Variants in KHSRP observed in about 807,000 individuals in gnomAD.
The protein encoded by KHSRP is KH-type splicing regulatory protein, also known as far upstream element-binding protein 2.
Under a neutral mutation model 94.9 loss-of-function variants are expected in KHSRP, and 13 were observed. The observed-to-expected ratio is 0.14, with a 90% confidence interval of 0.09 to 0.22. KHSRP has a LOEUF of 0.22. Ranked by LOEUF, KHSRP falls within the 10% of genes least tolerant of loss-of-function variation. The pLI is 1.00. For missense variants in KHSRP, 710 were observed against 1,010.0 expected (o/e 0.70, Z 4.03); for synonymous variants, 495 against 401.4 (o/e 1.23, Z -2.79).
chr19:6,424,393 G>GC (rs1375288607), intron 1 of KHSRP, 60 bp downstream of exon 1: 2 of 671,240 alleles, frequency 3.0e-6, no homozygotes, highest in South Asian at 1.3e-4. Flanking sequence ...CGTGACCCCC[G>GC]CCCCCTCCCC....
chr19:6,413,859 G>A lies in KHSRP; in HGVS notation c.*1165C>T, dbSNP rs1462576511. 1.4e-5 allele frequency: 4 copies of A among 291,568 alleles called. No homozygotes were observed. Among genetic ancestry groups the A allele is most frequent in the Non-Finnish European group, 2.4e-5 (4 of 163,890 alleles). 18.1% of individuals were successfully genotyped at this position (291,568 alleles called of 1,614,324 possible). Reference sequence around the variant, plus strand: ...TTTTTTTGGCAGAGATTTAGATCTCGCTATCTTCTCTGGCTGGCTCAACAT... The same window carrying A: ...TTTTTTTGGCAGAGATTTAGATCTCACTATCTTCTCTGGCTGGCTCAACAT... On this transcript the variant is annotated 3_prime_UTR_variant, in exon 19 of 19. Transcript: ENST00000600480.
chr19:6,419,015 G>A (rs2092176734), intron 7 of KHSRP, 139 bp from the exon 8 acceptor site: 2 of 1,142,574 alleles, frequency 1.8e-6, no homozygotes, highest in South Asian at 1.6e-5. Context: ...CACAGGGGCT[G>A]TTCAGGCTCC....
chr19:6,416,060 G>A (rs541074619), intron 15 of KHSRP, among the ~76,000 whole-genome samples, 164 bp from the exon 16 acceptor site: 37 of 152,240 alleles, frequency 2.4e-4, no homozygotes, highest in Non-Finnish European at 4.7e-4. Context: ...CTCGAAGGAC[G>A]CGCAGCGTCA....
intron 3 of KHSRP, 117 bp from the exon 4 acceptor site, chr19:6,421,434 T>C: frequency 8.9e-7 from 1 of 1,121,748 alleles, no homozygotes; most frequent in Non-Finnish European, 1.3e-6. Flanking sequence ...CCTGCTCCAG[T>C]GCCTCATGGA....
intron 1 of KHSRP, 150 bp downstream of exon 1, chr19:6,424,303 A>AG (rs981564534): frequency 5.3e-6 from 1 of 189,898 alleles, no homozygotes; most frequent in African/African-American, 2.4e-5. Flanking sequence ...GCGCAGCGGG[A>AG]GGGCCAGGCC....
chr19:6,421,843 G>A (rs896739117), intron 2 of KHSRP, 155 bp from the exon 3 acceptor site: 7 of 829,924 alleles, frequency 8.4e-6, no homozygotes, highest in African/African-American at 1.7e-5. Context: ...GGCCCCTGAG[G>A]GAGGCCAGAC....
Position 6,418,964 on chromosome 19 carries a change from G to A in KHSRP, c.606-88C>T, listed in dbSNP as rs914420800. On this transcript the variant is annotated intron_variant, in intron 7 of 18. Transcript: ENST00000600480. This position sits in a 1 kb window ranked among gnomAD's most constrained non-coding sequence, Gnocchi z 4.3. Reference sequence around the variant, plus strand: ...GGCCCACCCAGCTCAAAGGGAAGGCGACCCCAGAGTGTGCAAGGATGACAG... The same window carrying A: ...GGCCCACCCAGCTCAAAGGGAAGGCAACCCCAGAGTGTGCAAGGATGACAG... 47 of 1,351,056 alleles carry A rather than the reference G, an allele frequency of 3.5e-5. No individual in the cohort carries two copies. In the East Asian group the frequency reaches 7.2e-4, roughly 21 times the overall value. 83.7% of individuals were successfully genotyped at this position (1,351,056 alleles called of 1,614,324 possible).
At chr19:6,420,916 G>T in intron 4 of KHSRP, 1 of 392,504 alleles carries the variant, frequency 2.5e-6, no homozygotes, top group Non-Finnish European at 4.7e-6. Flanking sequence ...CCACAGCACT[G>T]AGTGGGATGG....
At position 6,416,312 on chromosome 19, in the gene KHSRP, G is replaced by A. The variant is rs555123679; in HGVS notation, c.1584C>T (p.Pro528=). Residue 528 remains proline, a synonymous_variant, in exon 15 of 19, where the codon CCC becomes CCT. Transcript: ENST00000600480. ...FNPGPFNQGP[P]GAPPHAGGPP... is the part of the protein sequence containing the mutation. ...AGGATACTCACTGTGGGGGAGCCCC[G>A]GGTGGCCCCTGGTTGAAGGGCCCAG... 54 of 1,601,928 alleles carry A rather than the reference G, an allele frequency of 3.4e-5. No homozygotes were observed. The highest frequency in any genetic ancestry group is 7.8e-5 in the South Asian group (7 of 89,530).
At chr19:6,424,043 G>A (rs188015249) in intron 1 of KHSRP, 36 of 152,538 alleles carry the variant, frequency 2.4e-4, no homozygotes, top group East Asian at 5.8e-4. Context: ...CTAGAGAGGG[G>A]ACAGAAATGG....
Position 6,421,263 on chromosome 19 carries a change from C to A in KHSRP, c.425+15G>T. The stretch of plus-strand genomic sequence containing the variant: ...CAACAGACAAGAAAGCAGTGTGGGC[C>A]CCACCATGGCTTACCTTGGGGGAGG... On this transcript the variant is annotated intron_variant, in intron 4 of 18. Transcript: ENST00000600480. 6.3e-7 allele frequency: 1 copy of A among 1,579,452 alleles called. No homozygotes were observed. The highest frequency in any genetic ancestry group is 1.2e-5 in the South Asian group (1 of 85,980).
At position 6,413,157 on chromosome 19, in the gene KHSRP, C is replaced by T. The variant is rs1224853766; in HGVS notation, c.*1867G>A. On this transcript the variant is annotated 3_prime_UTR_variant, in exon 19 of 19. Transcript: ENST00000600480. ...CAAAAAAAAAAAAGGGGGGGGGGCA[C>T]GGTTAGGAAAGCACATTGAGCCTGA... Among the ~76,000 whole-genome samples, 6 of 131,074 alleles carry T rather than the reference C, an allele frequency of 4.6e-5. No homozygotes were observed. Among genetic ancestry groups the T allele is most frequent in the East Asian group, 4.5e-4 (2 of 4,492 alleles). The allele number at this position is 131,074 out of a possible 152,430, so 86.0% of individuals were successfully genotyped here.
chr19:6,415,942 G>A, intron 15 of KHSRP, 46 bp from the exon 16 acceptor site: 1 of 1,233,290 alleles, frequency 8.1e-7, no homozygotes, highest in Non-Finnish European at 1.1e-6. Flanking sequence ...TGCGGGGGTG[G>A]CCGCAGCCGG....
chr19:6,420,128 A>C lies in KHSRP; in HGVS notation c.492T>G (p.Gly164=), dbSNP rs754013147. Residue 164 remains glycine, a synonymous_variant, in exon 6 of 19, where the codon GGT becomes GGG. Transcript: ENST00000600480. ...GMVGLIIGRG[G]EQINKIQQDS... is the part of the protein sequence containing the mutation. ...CCTGTTGGATTTTGTTAATTTGTTC[A>C]CCTCCTCTGCCAATGACTGGATGGA... 9 of 1,612,724 alleles carry C rather than the reference A, an allele frequency of 5.6e-6. No homozygotes were observed. The highest frequency in any genetic ancestry group is 7.6e-6 in the Non-Finnish European group (9 of 1,179,176).
In KHSRP at chr19:6,419,274, A is replaced by T. The variant is rs768580107; in HGVS notation, c.548-14T>A. ...GGCCACCGCTGTCTGAAAAGAGGAG[A>T]TAGAGTCAGTGCCCTCCCTGGCCCA... On this transcript the variant is annotated splice_polypyrimidine_tract_variant and intron_variant, in intron 6 of 18. Transcript: ENST00000600480. 4 of 1,560,064 alleles carry T rather than the reference A, an allele frequency of 2.6e-6. No individual in the cohort carries two copies. In the South Asian group the frequency reaches 4.7e-5, roughly 18 times the overall value.
Position 6,414,702 on chromosome 19 carries a change from A to C in KHSRP, c.*322T>G. The stretch of plus-strand genomic sequence containing the variant: ...CATGGGTTTAAAAAATAAAAGAATA[A>C]AAAGAACAAAAACCAAAAAAGTGAT... On this transcript the variant is annotated 3_prime_UTR_variant, in exon 19 of 19. Transcript: ENST00000600480. The C allele has an allele frequency of 9.8e-7, 1 of 1,025,636 alleles. No individual in the cohort carries two copies. Among genetic ancestry groups the C allele is most frequent in the Non-Finnish European group, 1.2e-6 (1 of 856,772 alleles). The allele number at this position is 1,025,636 out of a possible 1,614,324, so 63.5% of individuals were successfully genotyped here. A position where few individuals can be genotyped will look rare whatever the true frequency, so the allele number is the denominator to read the frequency against.
intron 18 of KHSRP, 39 bp downstream of exon 18, chr19:6,415,341 G>A (rs368641732): frequency 5.6e-6 from 9 of 1,612,836 alleles, no homozygotes; most frequent in Non-Finnish European, 5.9e-6. Flanking sequence ...TGTGGGTGAG[G>A]GCTGCCCCTG....
rs757543151 is a variant in KHSRP at position 6,417,870 on chromosome 19, G to A, written c.979-29C>T. On this transcript the variant is annotated intron_variant, in intron 10 of 18. Transcript: ENST00000600480. ...GGGAGGGAGGCAGCAGCGTCAGCTC[G>A]GCCCGCAGCTCTGCTGCCCTCTGCT... 3.6e-5 allele frequency: 58 copies of A among 1,607,462 alleles called. No homozygotes were observed. In the East Asian group the frequency reaches 8.0e-4, roughly 22 times the overall value.
In KHSRP at chr19:6,417,814, C is replaced by T; in HGVS notation, c.1006G>A (p.Val336Met). ...DVPVPRHSVG[V>M]VIGRSGEMIK... ...ATCTCTCCACTCCGGCCAATGACCA[C>T]GCCAACAGAATGCCTGGGCACTGGC... is the stretch of plus-strand genomic sequence containing the variant. The change falls in exon 11 of 19, where the codon GTG becomes ATG. Residue 336 changes from valine to methionine, a missense_variant. By Grantham distance (21) the Val-to-Met change is conservative (BLOSUM62 1). Coordinates refer to ENST00000600480, the MANE Select transcript of KHSRP (RefSeq NM_001366299.1). The T allele has an allele frequency of 6.2e-7, 1 of 1,613,940 alleles. No individual in the cohort carries two copies. The highest frequency in any genetic ancestry group is 8.5e-7 in the Non-Finnish European group (1 of 1,179,834).
Sources: gnomAD v4.1 joint callset for allele counts (sites outside exome capture counted in the v4.1 genomes callset) on GRCh38, gnomAD v4.1.1 for gene constraint, Gnocchi (gnomAD v3.1) non-coding constraint, MANE v1.5 for transcripts, NCBI Gene and HGNC (gene_info 2026-07-23, HGNC 2026-07-21) for gene names.